Variants in TJP1 observed in about 807,000 individuals in gnomAD.
TJP1 encodes the protein tight junction protein ZO-1.
TJP1 carries 43 observed loss-of-function variants against 194.2 expected under a neutral mutation model. That is an observed-to-expected ratio of 0.22 (90% CI 0.17 to 0.29). TJP1 has a LOEUF of 0.29. Among genes scored for constraint, TJP1 ranks in the 10% least tolerant of loss-of-function variants. The probability of loss-of-function intolerance (pLI) is 1.00; values close to 1 mark genes in which losing one functional copy is unlikely to be tolerated. For missense variants in TJP1, 1,971 were observed against 2,185.7 expected, an observed-to-expected ratio of 0.90 and a Z score of 1.96; for synonymous variants, 801 against 779.0, an observed-to-expected ratio of 1.03 and a Z score of -0.47.
intron 2 of TJP1, among the ~76,000 whole-genome samples, chr15:29,841,464 A>G (rs1450288370): frequency 6.6e-6 from 1 of 152,226 alleles, no homozygotes; most frequent in Admixed American, 6.5e-5. Flanking sequence ...CTTAGTTACT[A>G]TTTAATTGGA....
intron 2 of TJP1, among the ~76,000 whole-genome samples, chr15:29,868,328 C>CA (rs1173456040): frequency 6.6e-6 from 1 of 152,122 alleles, no homozygotes; most frequent in African/African-American, 2.4e-5. Context: ...AATGGTTGTG[C>CA]AAAAGCTTAG....
chr15:29,963,199 G>A (rs1245473336), intron 1 of TJP1, among the ~76,000 whole-genome samples: 1 of 152,080 alleles, frequency 6.6e-6, no homozygotes, highest in Non-Finnish European at 1.5e-5. Flanking sequence ...GTCCCAACAG[G>A]AGGACCTCAG....
Position 29,709,050 on chromosome 15 carries a change from G to GT in TJP1, c.4373-15dup. On this transcript the variant is annotated splice_polypyrimidine_tract_variant and intron_variant, in intron 24 of 27. Coordinates refer to ENST00000614355, the MANE Select transcript of TJP1 (RefSeq NM_001330239.4). The stretch of plus-strand genomic sequence containing the variant: ...ACACTGAATTACCTGAAAAACAAAC[G>GT]TAAGCATTTAAATAACTTTCTGAAA... The GT allele has an allele frequency of 6.3e-7, 1 of 1,593,466 alleles. No homozygotes were observed. Among genetic ancestry groups the GT allele is most frequent in the South Asian group, 1.1e-5 (1 of 89,224 alleles).
chr15:29,873,748 G>GGGAGACT (rs1228313838), intron 2 of TJP1, among the ~76,000 whole-genome samples: 2 of 152,122 alleles, frequency 1.3e-5, no homozygotes, highest in Non-Finnish European at 2.9e-5. Context: ...GATTTCTTAG[G>GGGAGACT]GGAGACTTGA....
At chr15:29,950,529 G>C (rs903960334) in intron 2 of TJP1, among the ~76,000 whole-genome samples, 15 of 152,006 alleles carry the variant, frequency 9.9e-5, no homozygotes, top group African/African-American at 3.4e-4. Context: ...AATCATCACC[G>C]TGTGCCCAGA....
intron 9 of TJP1, among the ~76,000 whole-genome samples, chr15:29,742,383 T>C (rs1296151439): frequency 6.6e-6 from 1 of 152,236 alleles, no homozygotes; most frequent in East Asian, 1.9e-4. Context: ...TAAGGAGCAG[T>C]GTTGGAAAAC....
intron 1 of TJP1, among the ~76,000 whole-genome samples, chr15:29,964,895 T>G (rs1202866497): frequency 6.6e-6 from 1 of 152,202 alleles, no homozygotes; most frequent in Non-Finnish European, 1.5e-5. Context: ...TCCACTGATG[T>G]GGGTCTGACT....
upstream of TJP1, chr15:29,823,331 C>T (rs1267195597): frequency 6.6e-6 from 1 of 152,208 alleles, no homozygotes; most frequent in Non-Finnish European, 1.5e-5. Context: ...ACAAACTTCC[C>T]ACAATGTTGA....
chr15:29,777,938 T>C (rs1473165564), intron 2 of TJP1, among the ~76,000 whole-genome samples: 1 of 152,144 alleles, frequency 6.6e-6, no homozygotes, highest in Non-Finnish European at 1.5e-5. Flanking sequence ...AATTTAGTAA[T>C]TTGAAAAATT....
intron 2 of TJP1, among the ~76,000 whole-genome samples, chr15:29,855,181 T>A (rs989535159): frequency 2.8e-4 from 42 of 151,948 alleles, no homozygotes; most frequent in African/African-American, 9.9e-4. Flanking sequence ...GAAAAAAAAA[T>A]AAACAGCTTT....
chr15:29,941,852 A>G (rs2152285054), intron 2 of TJP1, among the ~76,000 whole-genome samples: 1 of 152,224 alleles, frequency 6.6e-6, no homozygotes, highest in Middle Eastern at 3.4e-3. Context: ...GTGATGGGAC[A>G]GGGGAGTCTC....
rs910957690 is a variant in TJP1 at position 29,930,376 on chromosome 15, G to C, written c.306+25856C>G. Among the ~76,000 whole-genome samples the C allele has an allele frequency of 2.6e-5, 4 of 152,232 alleles. No homozygotes were observed. The South Asian group carries it at 6.2e-4, about 24-fold the overall frequency. On this transcript the variant is annotated intron_variant, in intron 2 of 28. Transcript: ENST00000356107. ...TTACAAAATCTTAGGCAACACCATT[G>C]TCAAGTACAAGTTATCCAAGTAACA...
upstream of TJP1, among the ~76,000 whole-genome samples, chr15:29,826,329 C>T (rs1333974729): frequency 1.3e-5 from 2 of 152,060 alleles, no homozygotes; most frequent in African/African-American, 4.8e-5. Flanking sequence ...GTCGGAAGCT[C>T]CATAAATCCA....
At chr15:29,721,679 C>G (rs890991521) in intron 18 of TJP1, among the ~76,000 whole-genome samples, 15 of 152,050 alleles carry the variant, frequency 9.9e-5, no homozygotes, top group African/African-American at 3.6e-4. Context: ...TTGGAGGGCT[C>G]AAGAGAAGAC....
chr15:29,730,921 C>T lies in TJP1; in HGVS notation c.2017+1512G>A, dbSNP rs902143030. ...GCTGGCAAGGAGGGGAATAACCCTG[C>T]AGAAAATGGAGATGCCAAAACAGAC... On this transcript the variant is annotated intron_variant, in intron 15 of 27. Transcript: ENST00000614355. 3.3e-6 allele frequency: 4 copies of T among 1,222,988 alleles called. No individual in the cohort carries two copies. The African/African-American group carries it at 4.4e-5, about 14-fold the overall frequency. The allele number at this position is 1,222,988 out of a possible 1,614,324, so 75.8% of individuals were successfully genotyped here. A position where few individuals can be genotyped will look rare whatever the true frequency, so the allele number is the denominator to read the frequency against.
At chr15:29,962,417 G>A (rs1176975587) in intron 1 of TJP1, among the ~76,000 whole-genome samples, 2 of 152,140 alleles carry the variant, frequency 1.3e-5, no homozygotes, top group Non-Finnish European at 2.9e-5. Context: ...ACAGAATCGG[G>A]CAAAAATAAT....
downstream of TJP1, chr15:29,699,875 A>G: frequency 5.7e-6 from 1 of 174,566 alleles, no homozygotes; most frequent in Non-Finnish European, 1.2e-5. Context: ...GTGTTTCTCC[A>G]CGCAGGGGTG....
At chr15:29,800,136 C>T (rs182403899) in intron 2 of TJP1, among the ~76,000 whole-genome samples, 27 of 152,316 alleles carry the variant, frequency 1.8e-4, no homozygotes, top group African/African-American at 5.5e-4. Context: ...AGTCTCACTT[C>T]GGACAAAGTT....
At chr15:29,761,800 G>A in intron 6 of TJP1, 31 bp from the exon 7 acceptor site, 1 of 1,492,842 alleles carries the variant, frequency 6.7e-7, no homozygotes, top group Non-Finnish European at 9.0e-7. Flanking sequence ...CAGCTTGAAA[G>A]TAAATAATAA....
Sources: gnomAD v4.1 joint callset for allele counts (sites outside exome capture counted in the v4.1 genomes callset) on GRCh38, gnomAD v4.1.1 for gene constraint, MANE v1.5 for transcripts, NCBI Gene and HGNC (gene_info 2026-07-23, HGNC 2026-07-21) for gene names.